The following PDE4D variants were observed in gnomAD, a reference collection of about 807,000 sequenced individuals.
The protein encoded by PDE4D is 3',5'-cyclic-AMP phosphodiesterase 4D.
PDE4D carries 24 observed loss-of-function variants against 87.4 expected under a neutral mutation model. That is an observed-to-expected ratio of 0.27 (90% confidence interval 0.20 to 0.39). The LOEUF is 0.39. Among genes scored for constraint, PDE4D ranks in the 10% least tolerant of loss-of-function variants. The pLI, the probability that PDE4D is intolerant of heterozygous loss-of-function variation, is 1.00. For missense variants in PDE4D, 714 were observed against 1,041.0 expected (o/e 0.69, Z 4.32); for synonymous variants, 384 against 383.2 (o/e 1.00, Z -0.02).
At position 60,469,765 on chromosome 5, in the gene PDE4D, C is replaced by T. The variant is rs184183994; in HGVS notation, c.-90+18177G>A. Among the ~76,000 whole-genome samples the T allele has an allele frequency of 3.9e-3, 592 of 152,218 alleles. 4 individuals are homozygous for T. The highest frequency in any genetic ancestry group is 0.013 in the African/African-American group (556 of 41,538). On this transcript the variant is annotated intron_variant, in intron 1 of 16. Coordinates refer to the PDE4D transcript ENST00000502484. ...TGCCACAAACCATGCCCATATAGGA[C>T]GGCGAACTTAATCAATGAATAATGT...
intron 2 of PDE4D, among the ~76,000 whole-genome samples, chr5:60,014,438 AG>A (rs1165766012): frequency 6.6e-6 from 1 of 152,236 alleles, no homozygotes; most frequent in Non-Finnish European, 1.5e-5. Flanking sequence ...GAAGGTTTTC[AG>A]AGTAAAAAAT....
In PDE4D at chr5:60,345,716, T is replaced by A. The variant is rs189114465; in HGVS notation, c.-90+142226A>T. ...CCTCTACTTGAATATTAGGTACTAT[T>A]CAACTTTTTATTATTAATAGTATTT... On this transcript the variant is annotated intron_variant, in intron 1 of 16. Coordinates refer to the PDE4D transcript ENST00000502484. Among the ~76,000 whole-genome samples the A allele has an allele frequency of 1.0e-3, 154 of 152,218 alleles. 1 individual carries two copies. Among genetic ancestry groups the A allele is most frequent in the Middle Eastern group, 3.4e-3 (1 of 294 alleles).
At chr5:60,256,796 G>A (rs1449824282) in intron 1 of PDE4D, among the ~76,000 whole-genome samples, 1 of 151,882 alleles carries the variant, frequency 6.6e-6, no homozygotes, top group East Asian at 1.9e-4. Context: ...AACAAGAATG[G>A]GTTTGCTTCT....
chr5:59,818,763 T>C (rs1390609473), intron 1 of PDE4D, among the ~76,000 whole-genome samples: 2 of 152,012 alleles, frequency 1.3e-5, no homozygotes, highest in African/African-American at 4.8e-5. Flanking sequence ...CCTCACTCCA[T>C]GTAGGTCAGA....
intron 1 of PDE4D, among the ~76,000 whole-genome samples, chr5:60,482,779 G>A (rs2150219581): frequency 6.6e-6 from 1 of 152,256 alleles, no homozygotes; most frequent in Admixed American, 6.5e-5. Flanking sequence ...TGTATTTCCT[G>A]GAATGGTACA....
At chr5:60,202,629 G>C (rs1336354765) in intron 1 of PDE4D, among the ~76,000 whole-genome samples, 2 of 151,870 alleles carry the variant, frequency 1.3e-5, no homozygotes, top group African/African-American at 2.4e-5. Flanking sequence ...TCCCAGTAGA[G>C]AGAGAGAAAA....
chr5:60,289,540 T>C (rs569228334), intron 1 of PDE4D, among the ~76,000 whole-genome samples: 2 of 152,266 alleles, frequency 1.3e-5, no homozygotes, highest in East Asian at 1.9e-4. Context: ...TCCCCACCCC[T>C]GTAGAGGAGA....
At chr5:60,474,114 A>ATATATGTG (rs1347013739) in intron 1 of PDE4D, among the ~76,000 whole-genome samples, 2 of 78,918 alleles carry the variant, frequency 2.5e-5, no homozygotes, top group East Asian at 7.7e-4. Flanking sequence ...CCATATATAT[A>ATATATGTG]TATATATATA....
intron 1 of PDE4D, among the ~76,000 whole-genome samples, chr5:59,732,394 T>TCACACACACACACACACACACACA (rs71604799): frequency 6.8e-6 from 1 of 146,128 alleles, no homozygotes; most frequent in African/African-American, 2.5e-5. Context: ...CAGGAGACAT[T>TCACACACACACACACACACACACA]CACACACACA....
At chr5:60,106,899 G>A (rs1240771612) in intron 2 of PDE4D, among the ~76,000 whole-genome samples, 9 of 151,076 alleles carry the variant, frequency 6.0e-5, no homozygotes, top group Admixed American at 3.3e-4. Context: ...GCCCACAAGA[G>A]AAAGCAGGAA....
chr5:59,899,661 T>C (rs1192889207), intron 3 of PDE4D, among the ~76,000 whole-genome samples: 2 of 152,104 alleles, frequency 1.3e-5, no homozygotes, highest in African/African-American at 4.8e-5. Context: ...CTATTTTGCA[T>C]TGGCTGGCAA....
In PDE4D at chr5:59,627,793, C is replaced by A. The variant is rs187993514; in HGVS notation, c.455+265375G>T. 1.3e-3 allele frequency among the ~76,000 whole-genome samples: 203 copies of A among 152,216 alleles called. 1 individual carries two copies. Among genetic ancestry groups the A allele is most frequent in the African/African-American group, 4.7e-3 (196 of 41,520 alleles). On this transcript the variant is annotated intron_variant, in intron 1 of 14. Coordinates refer to ENST00000340635, the MANE Select transcript of PDE4D (RefSeq NM_001104631.2). Reference sequence around the variant, plus strand: ...GTTACTTCCTGAGCATAAAATCACCCCAGCACTGCTTATCCCTAAGGCAGA... The same window carrying A: ...GTTACTTCCTGAGCATAAAATCACCACAGCACTGCTTATCCCTAAGGCAGA...
chr5:59,427,914 G>A (rs1410261214), intron 1 of PDE4D, among the ~76,000 whole-genome samples: 2 of 151,814 alleles, frequency 1.3e-5, no homozygotes, highest in Non-Finnish European at 2.9e-5. Context: ...AAGAAAAAGT[G>A]GGACAGTACA....
intron 1 of PDE4D, among the ~76,000 whole-genome samples, chr5:59,629,132 A>C (rs923883438): frequency 6.6e-6 from 1 of 152,136 alleles, no homozygotes; most frequent in African/African-American, 2.4e-5. Flanking sequence ...GGGAACTACA[A>C]TTCAGGATAT....
intron 1 of PDE4D, among the ~76,000 whole-genome samples, chr5:60,185,950 A>AC (rs1784747358): frequency 6.6e-6 from 1 of 151,762 alleles, no homozygotes; most frequent in African/African-American, 2.4e-5. Context: ...AAAAAAAAAA[A>AC]CAGATATGAT....
chr5:59,826,022 A>T (rs560185726), intron 1 of PDE4D, among the ~76,000 whole-genome samples: 1 of 152,318 alleles, frequency 6.6e-6, no homozygotes, highest in South Asian at 2.1e-4. Context: ...GAACCAAGGG[A>T]TGTCAAATTC....
intron 1 of PDE4D, among the ~76,000 whole-genome samples, chr5:59,790,129 G>A (rs1012788500): frequency 2.0e-5 from 3 of 152,158 alleles, no homozygotes; most frequent in African/African-American, 7.2e-5. Flanking sequence ...GGAAACAGGA[G>A]CTTACAGGGG....
intron 5 of PDE4D, among the ~76,000 whole-genome samples, chr5:59,131,916 G>C (rs1776347064): frequency 6.6e-6 from 1 of 152,106 alleles, no homozygotes; most frequent in Non-Finnish European, 1.5e-5. Flanking sequence ...ACACAGATTT[G>C]AGGGTTTTTA....
chr5:60,112,043 A>C (rs930514625), intron 2 of PDE4D, among the ~76,000 whole-genome samples: 4 of 152,050 alleles, frequency 2.6e-5, no homozygotes, highest in Admixed American at 2.6e-4. Context: ...TTTAAAAAAA[A>C]CCTGACTTAT....
Sources: allele counts gnomAD v4.1 joint callset (sites outside exome capture counted in the v4.1 genomes callset), GRCh38; gene constraint gnomAD v4.1.1; transcripts MANE v1.5; gene names NCBI Gene and HGNC (gene_info 2026-07-23, HGNC 2026-07-21).